NPC1: variants seen among roughly 807,000 people sequenced by gnomAD.
The protein encoded by NPC1 is NPC intracellular cholesterol transporter 1, also known as Niemann-Pick C1 protein.
Under a neutral mutation model 140.4 loss-of-function variants are expected in NPC1, and 85 were observed. The ratio of observed to expected loss-of-function variants is 0.61; its 90% CI spans 0.51 to 0.72. NPC1 has a LOEUF of 0.72. NPC1 is among the 30% of genes least tolerant of loss of function. The pLI is 0.00. For missense variants in NPC1, 1,504 were observed against 1,623.8 expected, an observed-to-expected ratio of 0.93 and a Z score of 1.27; for synonymous variants, 656 against 624.8, an observed-to-expected ratio of 1.05 and a Z score of -0.74.
chr18:23,515,369 A>G (rs1010846471), intron 3 of NPC1, among the ~76,000 whole-genome samples: 1 of 152,146 alleles, frequency 6.6e-6, no homozygotes, highest in Non-Finnish European at 1.5e-5. Flanking sequence ...GTCGTGGCAA[A>G]GAGTAAATGA....
chr18:23,540,212 T>C (rs989058860), intron 17 of NPC1, among the ~76,000 whole-genome samples: 2 of 152,144 alleles, frequency 1.3e-5, no homozygotes, highest in Non-Finnish European at 2.9e-5. Context: ...TCTCATAAAG[T>C]AACCTCATAA....
intron 3 of NPC1, among the ~76,000 whole-genome samples, chr18:23,569,735 C>T (rs2059175371): frequency 6.6e-6 from 1 of 152,180 alleles, no homozygotes; most frequent in Non-Finnish European, 1.5e-5. Flanking sequence ...TCCTGAAACA[C>T]AAGGAGAAAT....
intron 3 of NPC1, among the ~76,000 whole-genome samples, chr18:23,570,884 C>T (rs940914888): frequency 3.3e-5 from 5 of 152,146 alleles, no homozygotes; most frequent in African/African-American, 1.2e-4. Context: ...TCCCCGAGGC[C>T]GGCTCTACTG....
In NPC1 at chr18:23,546,429, C is replaced by A. The variant is rs1005004355; in HGVS notation, c.1758-1280G>T. ...ATGGACTGCTGGTGGTGACGTAAAG[C>A]GCTATAGCCACTTTGGAAAACAGTC... On this transcript the variant is annotated intron_variant, in intron 11 of 24. Coordinates refer to ENST00000269228, the MANE Select transcript of NPC1 (RefSeq NM_000271.5). Among the ~76,000 whole-genome samples, 3 of 152,068 alleles carry A rather than the reference C, an allele frequency of 2.0e-5. No homozygotes were observed. The East Asian group carries it at 5.8e-4, about 29-fold the overall frequency.
chr18:23,539,245 A>T, intron 19 of NPC1, 110 bp downstream of exon 19: 1 of 758,814 alleles, frequency 1.3e-6, no homozygotes. Context: ...AGGGAGACCC[A>T]GCTTTGATAT....
downstream of NPC1, among the ~76,000 whole-genome samples, chr18:23,521,607 G>T (rs1359192570): frequency 2.6e-5 from 4 of 152,144 alleles, no homozygotes; most frequent in African/African-American, 9.7e-5. Flanking sequence ...AAAAGGGAAA[G>T]AAGTCATTTA....
rs1373901242 is a variant in NPC1 at position 23,540,505 on chromosome 18, G to A, written c.2547C>T (p.Ser849=). 1 of 1,612,748 alleles carries A rather than the reference G, an allele frequency of 6.2e-7. No individual in the cohort carries two copies. The highest frequency in any genetic ancestry group is 8.5e-7 in the Non-Finnish European group (1 of 1,179,140). ...IAIFVGVLSF[S]IAVLNKVDIG... Reference sequence around the variant, plus strand: ...TATCTACTTTGTTCAGGACTGCGATGCTGAATGACAGAACACCCACAAATA... The same window carrying A: ...TATCTACTTTGTTCAGGACTGCGATACTGAATGACAGAACACCCACAAATA... The change falls in exon 17 of 25, where the codon AGC becomes AGT. Residue 849 remains serine (S), a synonymous_variant. Transcript: ENST00000269228.
downstream of NPC1, chr18:23,529,939 G>T: frequency 8.0e-7 from 1 of 1,256,096 alleles, no homozygotes; most frequent in Non-Finnish European, 1.1e-6. Context: ...TTACTGTGTT[G>T]GTTAGAATAG....
chr18:23,557,157 G>A lies in NPC1; in HGVS notation c.915C>T (p.Ile305=), dbSNP rs1452021800. 4 of 1,613,574 alleles carry A rather than the reference G, an allele frequency of 2.5e-6. No homozygotes were observed. The highest frequency in any genetic ancestry group is 1.3e-5 in the African/African-American group (1 of 74,942). ...KRYFVSEYTP[I]DSNIAFSVNA... ...TAACAGAAAAAGCTATATTGCTATC[G>A]ATGGGAGTGTACTCGGAGACAAAAT... The change falls in exon 7 of 25, where the codon ATC becomes ATT. Residue 305 remains isoleucine (I), a synonymous_variant. Coordinates refer to ENST00000269228, the MANE Select transcript of NPC1 (RefSeq NM_000271.5).
Position 23,532,336 on chromosome 18 carries a change from T to C in NPC1, c.3755-52A>G, listed in dbSNP as rs181852638. ...TTTCTGCAGGAGAAAGGGAGCTAGT[T>C]GGCTGGGCATAGTGGCTCACGCCTG... On this transcript the variant is annotated intron_variant, in intron 24 of 24. Coordinates refer to ENST00000269228, the MANE Select transcript of NPC1 (RefSeq NM_000271.5). 1.1e-3 allele frequency: 1,814 copies of C among 1,604,694 alleles called. 3 individuals carry two copies. The highest frequency in any genetic ancestry group is 3.2e-3 in the East Asian group (143 of 44,816).
intron 3 of NPC1, among the ~76,000 whole-genome samples, chr18:23,569,599 G>A (rs926018456): frequency 1.3e-5 from 2 of 152,156 alleles, no homozygotes; most frequent in Non-Finnish European, 2.9e-5. Flanking sequence ...TGGGATTATC[G>A]ACATGAGCGC....
chr18:23,524,078 T>A, intron 1 of NPC1: 2 of 1,583,680 alleles, frequency 1.3e-6, no homozygotes, highest in Admixed American at 1.7e-5. Flanking sequence ...AGTACCAGCA[T>A]TTGCAGCATT....
At chr18:23,517,222 T>G (rs1305739355) in intron 3 of NPC1, among the ~76,000 whole-genome samples, 1 of 152,060 alleles carries the variant, frequency 6.6e-6, no homozygotes, top group Admixed American at 6.5e-5. Context: ...CGATCTTGGC[T>G]CACTGCAACC....
intron 3 of NPC1, chr18:23,509,402 C>A: frequency 2.9e-6 from 1 of 339,966 alleles, no homozygotes; most frequent in Non-Finnish European, 5.2e-6. Flanking sequence ...TGGAGTCTTG[C>A]TCTGTTGCCC....
At chr18:23,530,511 A>G (rs1177751350), downstream of NPC1, 1 of 1,614,256 alleles carries the variant, frequency 6.2e-7, no homozygotes, top group Non-Finnish European at 8.5e-7. Flanking sequence ...AAATTTTTAG[A>G]TGCTGCAAAG....
chr18:23,531,734 G>T lies in NPC1; in HGVS notation c.*468C>A, dbSNP rs777726809. Reference sequence around the variant, plus strand: ...ACTTGCTGTTTTTTTATATAAAAATGTGTACAAAGTTAATTTATTGCATTA... The same window carrying T: ...ACTTGCTGTTTTTTTATATAAAAATTTGTACAAAGTTAATTTATTGCATTA... On this transcript the variant is annotated 3_prime_UTR_variant, in exon 25 of 25. Transcript: ENST00000269228. The T allele has an allele frequency of 1.3e-6, 2 of 1,592,596 alleles. No homozygotes were observed. Among genetic ancestry groups the T allele is most frequent in the Admixed American group, 1.9e-5 (1 of 53,708 alleles).
At chr18:23,520,187 CT>C (rs747075380), downstream of NPC1, 11 of 1,606,256 alleles carry the variant, frequency 6.8e-6, no homozygotes, top group Middle Eastern at 1.6e-4. Context: ...TCAGTCTTGT[CT>C]TTTTCCCCCC....
At position 23,539,823 on chromosome 18, in the gene NPC1, T is replaced by G. The variant is rs28940897; in HGVS notation, c.2783A>C (p.Gln928Pro). The G allele has an allele frequency of 1.2e-6, 2 of 1,614,204 alleles. No homozygotes were observed. Among genetic ancestry groups the G allele is most frequent in the East Asian group, 4.5e-5 (2 of 44,888 alleles). Residue 928 changes from glutamine to proline, a missense_variant, in exon 18 of 25, where the codon CAG becomes CCG. Physicochemically the swap from Gln to Pro is moderately conservative, Grantham distance 76. Transcript: ENST00000269228. ...AGGTGGTACTGACTAGTTGTCCAGC[T>G]GCGCCGCGTTAAATATCTGCTGCAC... is the stretch of plus-strand genomic sequence containing the variant. ...SLVQQIFNAA[Q>P]LDNYTRIGFA...
chr18:23,563,059 G>A (rs1024980940), intron 4 of NPC1, among the ~76,000 whole-genome samples: 5 of 152,048 alleles, frequency 3.3e-5, no homozygotes, highest in Non-Finnish European at 7.4e-5. Flanking sequence ...TAAGCCCTAA[G>A]CAACCACTGA....
Sources: gnomAD v4.1 joint callset for allele counts (sites outside exome capture counted in the v4.1 genomes callset) on GRCh38, gnomAD v4.1.1 for gene constraint, MANE v1.5 for transcripts, NCBI Gene and HGNC (gene_info 2026-07-23, HGNC 2026-07-21) for gene names.